DCAF1: variants seen among roughly 807,000 people sequenced by gnomAD.
The protein encoded by DCAF1 is DDB1 and CUL4 associated factor 1.
A neutral mutation model predicts 128.0 loss-of-function variants in DCAF1; 15 were observed. That is an observed-to-expected ratio of 0.12 (90% CI 0.08 to 0.18). DCAF1 has a LOEUF of 0.18. Among genes scored for constraint, DCAF1 ranks in the 10% least tolerant of loss-of-function variants. DCAF1 has a pLI of 1.00. For missense variants in DCAF1, 988 were observed against 1,649.5 expected, an observed-to-expected ratio of 0.60 and a Z score of 6.95; for synonymous variants, 610 against 603.0, an observed-to-expected ratio of 1.01 and a Z score of -0.17.
intron 24 of DCAF1, among the ~76,000 whole-genome samples, chr3:51,402,197 G>T (rs1184950350): frequency 6.6e-6 from 1 of 152,156 alleles, no homozygotes; most frequent in Non-Finnish European, 1.5e-5. Flanking sequence ...TAAACCAGAA[G>T]CCAAAGGGAA....
At position 51,414,034 on chromosome 3, in the gene DCAF1, G is replaced by T. The variant is rs782353029; in HGVS notation, c.3847C>A (p.Arg1283=). ...ACAGTATGCAAAAGATGAAAAGTTC[G>T]AAGGTCCCACTAGGAGGGGAATGGT... ...VIINTEIWDL[R]TFHLLHTVPA... The change falls in exon 20 of 25, where the codon CGA becomes AGA. Residue 1283 remains arginine, a synonymous_variant. Transcript: ENST00000684031. 1.3e-5 allele frequency: 21 copies of T among 1,602,708 alleles called. No individual in the cohort carries two copies. The South Asian group carries it at 2.3e-4, about 17-fold the overall frequency.
At chr3:51,429,144 A>C in intron 12 of DCAF1, 117 bp downstream of exon 12, 3 of 660,442 alleles carry the variant, frequency 4.5e-6, no homozygotes, top group East Asian at 2.7e-5. Context: ...CATACAGGGA[A>C]GTATACTCCA....
At chr3:51,492,322 T>C (rs1249740298) in intron 2 of DCAF1, among the ~76,000 whole-genome samples, 1 of 151,914 alleles carries the variant, frequency 6.6e-6, no homozygotes, top group African/African-American at 2.4e-5. Context: ...GAGACGAGTA[T>C]GGCCAACAAG....
intron 2 of DCAF1, among the ~76,000 whole-genome samples, chr3:51,486,893 A>C (rs2108469474): frequency 6.6e-6 from 1 of 152,042 alleles, no homozygotes; most frequent in East Asian, 1.9e-4. Context: ...CGGCCTCCCA[A>C]AGTGCTGGGA....
At chr3:51,481,537 A>C (rs142195463) in intron 3 of DCAF1, among the ~76,000 whole-genome samples, 110 of 148,196 alleles carry the variant, frequency 7.4e-4, no homozygotes, top group African/African-American at 2.7e-3. Flanking sequence ...ACTAAAAAAA[A>C]CAGAAAAATT....
intron 23 of DCAF1, among the ~76,000 whole-genome samples, chr3:51,410,084 G>A (rs1553627916): frequency 6.6e-6 from 1 of 152,160 alleles, no homozygotes; most frequent in East Asian, 1.9e-4. Flanking sequence ...TAGCTGGAAA[G>A]CAGTAAAGGA....
Position 51,414,888 on chromosome 3 carries a change from A to T in DCAF1, c.3604-31T>A. On this transcript the variant is annotated intron_variant, in intron 18 of 24. Coordinates refer to ENST00000684031, the MANE Select transcript of DCAF1 (RefSeq NM_001387579.1). Reference sequence around the variant, plus strand: ...GAGAAGAAGGGATGGGAAGAGAAAAATCAGACCAATCCATCCACTGACAAA... The same window carrying T: ...GAGAAGAAGGGATGGGAAGAGAAAATTCAGACCAATCCATCCACTGACAAA... 3 of 1,597,838 alleles carry T rather than the reference A, an allele frequency of 1.9e-6. 1 individual carries two copies. The South Asian group carries it at 3.3e-5, about 18-fold the overall frequency.
At chr3:51,397,724 A>G (rs2089301671), downstream of DCAF1, 1 of 167,082 alleles carries the variant, frequency 6.0e-6, no homozygotes, top group African/African-American at 2.4e-5. Context: ...GGAGTGCTCT[A>G]TGTGGGCAGA....
Position 51,451,069 on chromosome 3 carries a change from CTTTTTTTTTTTT to C in DCAF1, c.376-7178_376-7167del, listed in dbSNP as rs1167474829. On this transcript the variant is annotated intron_variant, in intron 6 of 24. Transcript: ENST00000684031. ...CAATGAACAATATAAAAAGGAAATTCTTTTTTTTTTTTTTTTTTTTTTTTTTTTTTTTTTTTA... is the reference window on the plus strand; with the variant it reads ...CAATGAACAATATAAAAAGGAAATTCTTTTTTTTTTTTTTTTTTTTTTTTA... Among the ~76,000 whole-genome samples the C allele has an allele frequency of 2.1e-3, 57 of 27,102 alleles. No individual in the cohort carries two copies. In the East Asian group the frequency reaches 0.052, roughly 25 times the overall value. The allele number at this position is 27,102 out of a possible 152,430, so 17.8% of individuals were successfully genotyped here. A position where few individuals can be genotyped will look rare whatever the true frequency, so the allele number is the denominator to read the frequency against.
Position 51,420,447 on chromosome 3 carries a change from T to G in DCAF1, c.2523A>C (p.Ser841=). 6.2e-7 allele frequency: 1 copy of G among 1,614,046 alleles called. No individual in the cohort carries two copies. The highest frequency in any genetic ancestry group is 2.2e-5 in the East Asian group (1 of 44,886). The change falls in exon 15 of 25, where the codon TCA becomes TCC. Residue 841 remains serine, a synonymous_variant. Transcript: ENST00000684031. This position sits in a 1 kb window ranked among gnomAD's most constrained non-coding sequence, Gnocchi z 6.5. The part of the protein sequence containing the change: ...RLQKADVVAQ[S]RISFPEKELL... ...GCTCTTTCTCAGGGAAGGAGATCCT[T>G]GACTGGGCAACAACATCTGCTTTCT...
intron 23 of DCAF1, 136 bp from the exon 24 acceptor site, chr3:51,403,531 C>T: frequency 2.8e-6 from 4 of 1,421,706 alleles, no homozygotes; most frequent in Non-Finnish European, 3.7e-6. Context: ...GCACAGACTT[C>T]ATGAGCCAGC....
chr3:51,439,000 T>C (rs1276143703), intron 9 of DCAF1, among the ~76,000 whole-genome samples: 2 of 152,242 alleles, frequency 1.3e-5, no homozygotes, highest in Admixed American at 6.5e-5. Context: ...GACAGCTACA[T>C]TGTTATTCAT....
intron 6 of DCAF1, among the ~76,000 whole-genome samples, chr3:51,461,459 T>C (rs1436446475): frequency 6.6e-6 from 1 of 152,162 alleles, no homozygotes; most frequent in African/African-American, 2.4e-5. Flanking sequence ...TTTACACTGT[T>C]GGTGGGACTG....
chr3:51,416,007 C>T (rs1379999951), intron 18 of DCAF1, among the ~76,000 whole-genome samples: 1 of 152,096 alleles, frequency 6.6e-6, no homozygotes, highest in Non-Finnish European at 1.5e-5. Context: ...CCATGCCTAC[C>T]CAGGCCCAAA....
At chr3:51,468,929 T>C (rs908625248) in intron 4 of DCAF1, among the ~76,000 whole-genome samples, 13 of 152,200 alleles carry the variant, frequency 8.5e-5, no homozygotes, top group South Asian at 2.1e-4. Context: ...TCCTATGCAT[T>C]AACTTAATTT....
intron 15 of DCAF1, 56 bp downstream of exon 15, chr3:51,419,678 A>G (rs1699224101): frequency 6.5e-7 from 1 of 1,536,522 alleles, no homozygotes; most frequent in Non-Finnish European, 8.7e-7. Context: ...GCCCAGTTTG[A>G]TTTAAATAAA....
chr3:51,420,596 C>T lies in DCAF1; in HGVS notation c.2374G>A (p.Glu792Lys). ...SSCQIQQLMKEPVLQDKRSDH... is the reference protein window; with the variant it reads ...SSCQIQQLMKKPVLQDKRSDH... Reference sequence around the variant, plus strand: ...CTGCGCTTGTCCTGCAGCACAGGCTCCTTCATCAGCTGCTGGATCTGGCAG... The same window carrying T: ...CTGCGCTTGTCCTGCAGCACAGGCTTCTTCATCAGCTGCTGGATCTGGCAG... The change falls in exon 15 of 25, where the codon GAG (glutamate) becomes AAG (lysine). Residue 792 changes from glutamate to lysine, a missense_variant. Glu to Lys is a moderately conservative substitution (Grantham distance 56, BLOSUM62 1). Transcript: ENST00000684031. This position sits in a 1 kb window ranked among gnomAD's most constrained non-coding sequence, Gnocchi z 6.5. The T allele has an allele frequency of 6.2e-7, 1 of 1,613,952 alleles. No individual in the cohort carries two copies. The highest frequency in any genetic ancestry group is 8.5e-7 in the Non-Finnish European group (1 of 1,179,840).
chr3:51,470,600 T>G (rs1282394891), intron 4 of DCAF1, among the ~76,000 whole-genome samples: 1 of 152,160 alleles, frequency 6.6e-6, no homozygotes, highest in Non-Finnish European at 1.5e-5. Context: ...AGACAATTTT[T>G]CTTTTTAATT....
intron 6 of DCAF1, among the ~76,000 whole-genome samples, chr3:51,454,979 G>A (rs1553642503): frequency 2.0e-5 from 3 of 152,028 alleles, no homozygotes; most frequent in Non-Finnish European, 4.4e-5. Flanking sequence ...GGCCTACCCA[G>A]CCCCTAATTT....
Sources: gnomAD v4.1 joint callset for allele counts (sites outside exome capture counted in the v4.1 genomes callset) on GRCh38, gnomAD v4.1.1 for gene constraint, Gnocchi (gnomAD v3.1) non-coding constraint, MANE v1.5 for transcripts, NCBI Gene and HGNC (gene_info 2026-07-23, HGNC 2026-07-21) for gene names.